Variants in EPB41L5 observed in about 807,000 individuals in gnomAD.
EPB41L5 encodes the protein erythrocyte membrane protein band 4.1 like 5, also known as band 4.1-like protein 5.
EPB41L5 carries 55 observed loss-of-function variants against 106.6 expected under a neutral mutation model. The ratio of observed to expected loss-of-function variants is 0.52; its 90% CI spans 0.42 to 0.65. EPB41L5 has a LOEUF of 0.65. Among genes scored for constraint, EPB41L5 ranks in the 30% least tolerant of loss-of-function variants. The probability of loss-of-function intolerance (pLI) is 0.00; values close to 1 mark genes in which losing one functional copy is unlikely to be tolerated. For missense variants in EPB41L5, 871 were observed against 882.1 expected (o/e 0.99, Z 0.16); for synonymous variants, 297 against 306.7 (o/e 0.97, Z 0.33).
Position 120,090,444 on chromosome 2 carries a change from G to A in EPB41L5, c.971G>A (p.Arg324His), listed in dbSNP as rs772000365. The A allele has an allele frequency of 5.6e-6, 9 of 1,613,576 alleles. No homozygotes were observed. The highest frequency in any genetic ancestry group is 1.7e-5 in the Admixed American group (1 of 59,940). The change falls in exon 12 of 25, where the codon CGC becomes CAC. Residue 324 changes from arginine to histidine, a missense_variant. By Grantham distance (29) the Arg-to-His change is conservative. Coordinates refer to ENST00000263713, the MANE Select transcript of EPB41L5 (RefSeq NM_020909.4). ...GCTGTGGAGCATCATGCTTTCTTCC[G>A]CCTTCGAGGCCCCGTCCAAAAGAGT... ...KCAVEHHAFFRLRGPVQKSSH... is the reference protein window; with the variant it reads ...KCAVEHHAFFHLRGPVQKSSH...
intron 16 of EPB41L5, chr2:120,104,729 ATACCT>A: frequency 1.1e-6 from 1 of 936,060 alleles, no homozygotes; most frequent in Non-Finnish European, 1.3e-6. Context: ...AAAGTGACAC[ATACCT>A]TAATTTAAGT....
chr2:120,024,428 T>C, intron 2 of EPB41L5, among the ~76,000 whole-genome samples: 1 of 152,184 alleles, frequency 6.6e-6, no homozygotes, highest in Non-Finnish European at 1.5e-5. Flanking sequence ...TCTGCATCTA[T>C]TGAGATAATC....
At chr2:120,088,686 T>C (rs1683224436) in intron 11 of EPB41L5, among the ~76,000 whole-genome samples, 1 of 152,114 alleles carries the variant, frequency 6.6e-6, no homozygotes, top group Non-Finnish European at 1.5e-5. Context: ...CCAAAGTATT[T>C]AATACGAGTT....
At chr2:120,128,374 A>C (rs1028780653) in intron 17 of EPB41L5, among the ~76,000 whole-genome samples, 8 of 152,040 alleles carry the variant, frequency 5.3e-5, no homozygotes, top group African/African-American at 1.7e-4. Flanking sequence ...TGAAAGCATA[A>C]CTTGTTTATA....
chr2:120,151,201 A>G (rs1023555278), intron 20 of EPB41L5, among the ~76,000 whole-genome samples: 7 of 151,904 alleles, frequency 4.6e-5, no homozygotes, highest in Non-Finnish European at 1.0e-4. Context: ...TCGGGAGGCT[A>G]AGGCAGGAGA....
chr2:120,099,696 G>A (rs1312193552), intron 14 of EPB41L5, among the ~76,000 whole-genome samples: 1 of 152,172 alleles, frequency 6.6e-6, no homozygotes, highest in Non-Finnish European at 1.5e-5. Flanking sequence ...AAAGTGCTGG[G>A]ATTACAGGCG....
intron 1 of EPB41L5, among the ~76,000 whole-genome samples, chr2:120,014,238 A>G (rs888028505): frequency 2.0e-5 from 3 of 152,188 alleles, no homozygotes; most frequent in African/African-American, 7.2e-5. Flanking sequence ...GGTTTTGGGT[A>G]CTTTTTTTAA....
In EPB41L5 at chr2:120,115,441, G is replaced by C. The variant is rs57751376; in HGVS notation, c.1338-12247G>C. 5.2e-3 allele frequency among the ~76,000 whole-genome samples: 789 copies of C among 152,256 alleles called. 4 individuals carry two copies. The highest frequency in any genetic ancestry group is 0.018 in the African/African-American group (759 of 41,540). ...GTTTTTTGAGACGGAGTCTCACTCT[G>C]TCACCCAGCCGGGAGTGCAGTGGCA... On this transcript the variant is annotated intron_variant, in intron 16 of 24. Transcript: ENST00000263713.
intron 20 of EPB41L5, 73 bp downstream of exon 20, chr2:120,146,362 C>T: frequency 9.0e-7 from 1 of 1,112,184 alleles, no homozygotes; most frequent in Non-Finnish European, 1.3e-6. Context: ...CTCAGTCTGT[C>T]ACCACATGGT....
intron 16 of EPB41L5, among the ~76,000 whole-genome samples, chr2:120,122,826 G>T (rs576220182): frequency 1.1e-3 from 162 of 152,268 alleles, no homozygotes; most frequent in Non-Finnish European, 1.2e-3. Flanking sequence ...TGTTCTTCCA[G>T]TTGTTTGTGT....
In EPB41L5 at chr2:120,100,804, G is replaced by T. The variant is rs190257415; in HGVS notation, c.1327G>T (p.Asp443Tyr). ...ACAGAGTCCTGGAACAGACCAGCAT[G>T]ACAGGAAATGGTTTGTTAATTCCTT... is the stretch of plus-strand genomic sequence containing the variant. ...LPQSPGTDQHDRKCIPLNIDL... is the reference protein window; with the variant it reads ...LPQSPGTDQHYRKCIPLNIDL... Residue 443 changes from aspartate (D) to tyrosine (Y), a missense_variant, in exon 16 of 25, where the codon GAC (aspartate) becomes TAC (tyrosine). By Grantham distance (160) the Asp-to-Tyr change is radical (BLOSUM62 -3). Coordinates refer to ENST00000263713, the MANE Select transcript of EPB41L5 (RefSeq NM_020909.4). 3.8e-5 allele frequency: 61 copies of T among 1,594,530 alleles called. No individual in the cohort carries two copies. The East Asian group carries it at 1.2e-3, about 31-fold the overall frequency.
At chr2:120,073,301 AATC>A in intron 4 of EPB41L5, 81 bp downstream of exon 4, 3 of 1,224,510 alleles carry the variant, frequency 2.4e-6, no homozygotes, top group Non-Finnish European at 3.5e-6. Context: ...GGATGTAAGA[AATC>A]ATGTTTCAGA....
At chr2:120,050,571 C>G (rs1476021655) in intron 3 of EPB41L5, among the ~76,000 whole-genome samples, 15 of 152,106 alleles carry the variant, frequency 9.9e-5, no homozygotes, top group Non-Finnish European at 2.1e-4. Flanking sequence ...AATCTTTTTT[C>G]AAGGTTTTTA....
At chr2:120,161,189 G>T (rs943777757) in intron 21 of EPB41L5, among the ~76,000 whole-genome samples, 1 of 152,012 alleles carries the variant, frequency 6.6e-6, no homozygotes, top group Non-Finnish European at 1.5e-5. Flanking sequence ...ACCAGCCTGG[G>T]CAACATGGCA....
intron 21 of EPB41L5, among the ~76,000 whole-genome samples, chr2:120,163,965 A>ATTTTAT (rs1553516053): frequency 5.2e-5 from 4 of 76,594 alleles, no homozygotes; most frequent in East Asian, 3.2e-4. Context: ...ACTTTTTTTT[A>ATTTTAT]TTTTTTTGTA....
At chr2:120,062,209 C>A (rs563884190) in intron 3 of EPB41L5, among the ~76,000 whole-genome samples, 1 of 152,044 alleles carries the variant, frequency 6.6e-6, no homozygotes, top group South Asian at 2.1e-4. Flanking sequence ...ACTGAGAACA[C>A]AATAGGATTC....
rs558101188 is a variant in EPB41L5, at chr2:120,075,624, A to G, written c.453-77A>G. 512 of 1,432,986 alleles carry G rather than the reference A, an allele frequency of 3.6e-4. 3 individuals are homozygous for G. In the African/African-American group the frequency reaches 5.6e-3, roughly 16 times the overall value. 88.8% of individuals were successfully genotyped at this position (1,432,986 alleles called of 1,614,324 possible). A position where few individuals can be genotyped will look rare whatever the true frequency, so the allele number is the denominator to read the frequency against. On this transcript the variant is annotated intron_variant, in intron 6 of 24. Coordinates refer to ENST00000263713, the MANE Select transcript of EPB41L5 (RefSeq NM_020909.4). The stretch of plus-strand genomic sequence containing the variant: ...GTAAAAAAGAAATGGTCAACATAAA[A>G]CATGTATTATTTTCATTTGTCTTAA...
chr2:120,120,138 G>T (rs1685144158), intron 16 of EPB41L5, among the ~76,000 whole-genome samples: 1 of 152,078 alleles, frequency 6.6e-6, no homozygotes, highest in Non-Finnish European at 1.5e-5. Context: ...ATAAAAATAT[G>T]TGACAGGGTG....
In EPB41L5 at chr2:120,052,382, T is replaced by G. The variant is rs570764626; in HGVS notation, c.285+10272T>G. ...TTGGGTGTCATGTACTTTCATTTGG[T>G]CCCATTACTAGTGATACTAAATTTG... On this transcript the variant is annotated intron_variant, in intron 3 of 24. Coordinates refer to ENST00000263713, the MANE Select transcript of EPB41L5 (RefSeq NM_020909.4). 2.0e-3 allele frequency among the ~76,000 whole-genome samples: 302 copies of G among 152,314 alleles called. 5 individuals are homozygous for G. The South Asian group carries it at 0.026, about 13-fold the overall frequency.
Sources: allele counts gnomAD v4.1 joint callset (sites outside exome capture counted in the v4.1 genomes callset), GRCh38; gene constraint gnomAD v4.1.1; transcripts MANE v1.5; gene names NCBI Gene and HGNC (gene_info 2026-07-23, HGNC 2026-07-21).